The following ZNF276 variants were observed in gnomAD, a reference collection of about 807,000 sequenced individuals.
The protein encoded by ZNF276 is centromere protein Z.
In ZNF276, 59 loss-of-function variants were observed where a neutral mutation model predicts 63.9. The observed-to-expected ratio is 0.92, with a 90% CI of 0.75 to 1.15. The LOEUF is 1.15. Ranked by LOEUF, ZNF276 falls within the 50% of genes most tolerant of loss-of-function variation. The pLI is 0.00. For synonymous variants in ZNF276, 496 were observed against 348.4 expected (o/e 1.42, Z -4.72); for missense variants, 1,084 against 843.8 (o/e 1.28, Z -3.53).
chr16:89,722,121 G>A (rs1426094543), intron 1 of ZNF276, among the ~76,000 whole-genome samples: 1 of 152,122 alleles, frequency 6.6e-6, no homozygotes. Context: ...TCGCCCTGGG[G>A]TGCCCGCGCG....
intron 9 of ZNF276, among the ~76,000 whole-genome samples, chr16:89,736,589 G>C (rs925241077): frequency 8.6e-5 from 13 of 151,856 alleles, no homozygotes; most frequent in Admixed American, 8.5e-4. Context: ...GCCTTCCAAA[G>C]TGCTGGGATT....
upstream of ZNF276, chr16:89,720,884 G>A (rs1271568387): frequency 2.2e-6 from 3 of 1,339,696 alleles, no homozygotes; most frequent in African/African-American, 1.5e-5. Context: ...GGGAGGCGGC[G>A]GCGGTAGCCG....
chr16:89,736,208 T>A (rs184339524), intron 9 of ZNF276, among the ~76,000 whole-genome samples: 17 of 152,100 alleles, frequency 1.1e-4, no homozygotes, highest in Non-Finnish European at 2.5e-4. Flanking sequence ...CTATTTTTAG[T>A]AGAGAGGCAG....
intron 1 of ZNF276, 96 bp downstream of exon 1, chr16:89,721,941 C>T (rs1449948042): frequency 7.9e-5 from 69 of 874,558 alleles, no homozygotes; most frequent in Non-Finnish European, 1.9e-5. Context: ...GCGGCCTCTC[C>T]TCCACCCGGC....
In ZNF276 at chr16:89,740,172, A is replaced by G; in HGVS notation, c.*1926A>G. 2 of 1,138,400 alleles carry G rather than the reference A, an allele frequency of 1.8e-6. No individual in the cohort carries two copies. The highest frequency in any genetic ancestry group is 2.7e-6 in the Non-Finnish European group (2 of 747,364). 70.5% of individuals were successfully genotyped at this position (1,138,400 alleles called of 1,614,324 possible). A position where few individuals can be genotyped will look rare whatever the true frequency, so the allele number is the denominator to read the frequency against. On this transcript the variant is annotated 3_prime_UTR_variant, in exon 11 of 11. Coordinates refer to ENST00000443381, the MANE Select transcript of ZNF276 (RefSeq NM_001113525.2). ...CCATGGGTAGGAGGGTACAGCCCTC[A>G]GCACAGAAGAGGGCATTTCCTCTTT...
At position 89,738,915 on chromosome 16, in the gene ZNF276, C is replaced by T. The variant is rs2151710781; in HGVS notation, c.*669C>T. 6.2e-7 allele frequency: 1 copy of T among 1,614,238 alleles called. No homozygotes were observed. Among genetic ancestry groups the T allele is most frequent in the Non-Finnish European group, 8.5e-7 (1 of 1,180,048 alleles). Reference sequence around the variant, plus strand: ...CGTGTGAGAAGCTCTTTTTCGGGCACCGAGGTATTAACTGCAGCAGAAAAA... The same window carrying T: ...CGTGTGAGAAGCTCTTTTTCGGGCATCGAGGTATTAACTGCAGCAGAAAAA... On this transcript the variant is annotated 3_prime_UTR_variant, in exon 11 of 11. Transcript: ENST00000443381.
At chr16:89,735,496 G>A (rs1031909708) in intron 9 of ZNF276, among the ~76,000 whole-genome samples, 2 of 129,368 alleles carry the variant, frequency 1.5e-5, no homozygotes, top group African/African-American at 3.5e-5. Context: ...CATCTCTCCT[G>A]ATGGCAGCAC....
At chr16:89,733,259 T>C in intron 6 of ZNF276, 43 bp from the exon 7 acceptor site, 1 of 1,561,682 alleles carries the variant, frequency 6.4e-7, no homozygotes, top group Non-Finnish European at 8.8e-7. Context: ...ATTTTGCAAA[T>C]GGAGATCAGA....
At chr16:89,720,656 C>G, upstream of ZNF276, 1 of 1,234,852 alleles carries the variant, frequency 8.1e-7, no homozygotes, top group Non-Finnish European at 1.0e-6. Flanking sequence ...GGCTGGCGCC[C>G]GCTCCCAAGT....
chr16:89,726,294 TC>T (rs2061468336), intron 4 of ZNF276, among the ~76,000 whole-genome samples: 1 of 152,074 alleles, frequency 6.6e-6, no homozygotes, highest in Non-Finnish European at 1.5e-5. Context: ...CCTCCCAGGT[TC>T]AAGCGATTCT....
In ZNF276 at chr16:89,739,228, C is replaced by A; in HGVS notation, c.*982C>A. 6.2e-7 allele frequency: 1 copy of A among 1,614,180 alleles called. No homozygotes were observed. The highest frequency in any genetic ancestry group is 1.7e-5 in the Admixed American group (1 of 60,030). On this transcript the variant is annotated 3_prime_UTR_variant, in exon 11 of 11. Coordinates refer to ENST00000443381, the MANE Select transcript of ZNF276 (RefSeq NM_001113525.2). The stretch of plus-strand genomic sequence containing the variant: ...TGGACCAGCTTCAAGTACATGTCCA[C>A]AGCAACATGCAGGAAGGCCTCTTCC...
rs775039914 is a variant in ZNF276 at position 89,733,371 on chromosome 16, G to A, written c.1239G>A (p.Pro413=). The A allele has an allele frequency of 4.3e-5, 69 of 1,614,062 alleles. No homozygotes were observed. In the Middle Eastern group the frequency reaches 4.9e-4, roughly 12 times the overall value. Residue 413 remains proline (P), a synonymous_variant, in exon 7 of 11, where the codon CCG becomes CCA. Transcript: ENST00000443381. ...AAGAACCAAGAATTCGGAAGAAGCC[G>A]GGACCCAAGCCCGGATGGAAGAAGA... is the stretch of plus-strand genomic sequence containing the variant. The part of the protein sequence containing the change: ...KSEEPRIRKK[P]GPKPGWKKKL...
chr16:89,722,623 G>T lies in ZNF276; in HGVS notation c.298G>T (p.Gly100Ter). 1 of 1,612,034 alleles carries T rather than the reference G, an allele frequency of 6.2e-7. No individual in the cohort carries two copies. The part of the protein sequence containing the change: ...SLRSISERAP[G>*]ASMERPSAEE... ...GCGCAGCATCTCCGAGAGGGCGCCT[G>T]GAGCGAGCATGGAGAGGCCATCCGC... Residue 100 changes from glycine (G) to a stop codon, truncating the protein, a stop_gained, in exon 2 of 11, where the codon GGA (glycine) becomes TGA (stop). Transcript: ENST00000443381. LOFTEE classifies it high-confidence loss of function.
intron 6 of ZNF276, among the ~76,000 whole-genome samples, chr16:89,729,992 C>G (rs924934341): frequency 4.6e-5 from 7 of 152,204 alleles, no homozygotes; most frequent in Non-Finnish European, 7.3e-5. Flanking sequence ...AGTCCCTGTC[C>G]TTGAGCATTT....
chr16:89,729,532 G>C (rs906211094), intron 6 of ZNF276, among the ~76,000 whole-genome samples: 43 of 152,310 alleles, frequency 2.8e-4, no homozygotes, highest in African/African-American at 1.0e-3. Flanking sequence ...CTTTGGAGCT[G>C]GGACCTGGTC....
chr16:89,735,380 A>ATTAT (rs1306754217), intron 9 of ZNF276, among the ~76,000 whole-genome samples: 16 of 152,156 alleles, frequency 1.1e-4, no homozygotes. Flanking sequence ...CAGAATAAGA[A>ATTAT]TTATTTATTC....
rs530598531 is a variant in ZNF276 at position 89,722,409 on chromosome 16, T to C, written c.206-122T>C. 7.7e-6 allele frequency: 9 copies of C among 1,163,104 alleles called. No homozygotes were observed. In the South Asian group the frequency reaches 1.4e-4, roughly 18 times the overall value. 72.0% of individuals were successfully genotyped at this position (1,163,104 alleles called of 1,614,324 possible). ...CCGAGAGCCGCGCGCCCGAGCCGCT[T>C]GCTGTGTCCGGGAGCCGCGCGAAGG... On this transcript the variant is annotated intron_variant, in intron 1 of 10. Coordinates refer to ENST00000443381, the MANE Select transcript of ZNF276 (RefSeq NM_001113525.2).
chr16:89,740,489 G>A lies in ZNF276; in HGVS notation c.*2243G>A, dbSNP rs2151715812. On this transcript the variant is annotated 3_prime_UTR_variant, in exon 11 of 11. Transcript: ENST00000443381. ...GTCTCTACTAAAAATACAAAAATTA[G>A]CCGGGTGTGACAGACTCACGCCTGT... The A allele has an allele frequency of 2.1e-6, 1 of 468,608 alleles. No individual in the cohort carries two copies. The highest frequency in any genetic ancestry group is 2.4e-5 in the South Asian group (1 of 42,148). The allele number at this position is 468,608 out of a possible 1,614,324, so 29.0% of individuals were successfully genotyped here.
At position 89,739,641 on chromosome 16, in the gene ZNF276, C is replaced by T. The variant is rs1244716054; in HGVS notation, c.*1395C>T. ...ACACCCCTGGGGGTCGGGACGTGTA[C>T]CCTGGGAGGCCTGGCTGTGGGGATA... is the stretch of plus-strand genomic sequence containing the variant. On this transcript the variant is annotated 3_prime_UTR_variant, in exon 11 of 11. Coordinates refer to ENST00000443381, the MANE Select transcript of ZNF276 (RefSeq NM_001113525.2). The T allele has an allele frequency of 4.6e-6, 7 of 1,511,782 alleles. No individual in the cohort carries two copies. The highest frequency in any genetic ancestry group is 1.2e-5 in the South Asian group (1 of 82,732). 93.6% of individuals were successfully genotyped at this position (1,511,782 alleles called of 1,614,324 possible).
Sources: gnomAD v4.1 joint callset for allele counts (sites outside exome capture counted in the v4.1 genomes callset) on GRCh38, gnomAD v4.1.1 for gene constraint, MANE v1.5 for transcripts, NCBI Gene and HGNC (gene_info 2026-07-23, HGNC 2026-07-21) for gene names.